TNS1: variants seen among roughly 807,000 people sequenced by gnomAD.
The protein encoded by TNS1 is tensin 1.
TNS1 carries 62 observed loss-of-function variants against 168.6 expected under a neutral mutation model. The ratio of observed to expected loss-of-function variants is 0.37; its 90% CI spans 0.30 to 0.45. The LOEUF (loss-of-function observed/expected upper bound fraction) is 0.45. Ranked by LOEUF, TNS1 falls within the 20% of genes least tolerant of loss-of-function variation. TNS1 has a pLI of 1.00. For missense variants in TNS1, 2,240 were observed against 2,339.4 expected, an observed-to-expected ratio of 0.96 and a Z score of 0.88; for synonymous variants, 934 against 933.2, an observed-to-expected ratio of 1.00 and a Z score of -0.02.
chr2:217,894,907 G>T (rs895798590), intron 9 of TNS1, 99 bp downstream of exon 9: 4 of 1,208,970 alleles, frequency 3.3e-6, no homozygotes, highest in Non-Finnish European at 4.8e-6. Context: ...CTGACAAACT[G>T]TCACAGCATT....
upstream of TNS1, among the ~76,000 whole-genome samples, chr2:218,013,231 G>A (rs1214467742): frequency 1.3e-5 from 2 of 151,930 alleles, no homozygotes; most frequent in Middle Eastern, 3.4e-3. Context: ...ACTCCAGCCT[G>A]GGTGACAGAG....
rs773844254 is a variant in TNS1 at position 217,804,028 on chromosome 2, A to G, written c.*431T>C. 1 of 156,292 alleles carries G rather than the reference A, an allele frequency of 6.4e-6. No homozygotes were observed. Among genetic ancestry groups the G allele is most frequent in the Non-Finnish European group, 1.4e-5 (1 of 70,580 alleles). The allele number at this position is 156,292 out of a possible 1,614,324, so 9.7% of individuals were successfully genotyped here. ...CTACCCCACAGGTGGCCAGAAAAAGATTCTCCCAGCTTGATTTCCCCTTGC... is the reference window on the plus strand; with the variant it reads ...CTACCCCACAGGTGGCCAGAAAAAGGTTCTCCCAGCTTGATTTCCCCTTGC... On this transcript the variant is annotated 3_prime_UTR_variant, in exon 33 of 33. Coordinates refer to ENST00000682258, the MANE Select transcript of TNS1 (RefSeq NM_001387777.1).
At chr2:217,863,328 G>T (rs73076327) in intron 18 of TNS1, among the ~76,000 whole-genome samples, 1 of 152,158 alleles carries the variant, frequency 6.6e-6, no homozygotes, top group Non-Finnish European at 1.5e-5. Context: ...CCCAGGGAAT[G>T]TGTGACAATA....
At chr2:217,900,391 G>T in intron 7 of TNS1, 72 bp downstream of exon 7, 1 of 1,502,542 alleles carries the variant, frequency 6.7e-7, no homozygotes, top group Non-Finnish European at 8.9e-7. Context: ...CCAGAGGCAA[G>T]ACTTAACAGG....
chr2:217,969,806 T>C (rs1334355234), intron 3 of TNS1, among the ~76,000 whole-genome samples: 1 of 151,870 alleles, frequency 6.6e-6, no homozygotes, highest in Non-Finnish European at 1.5e-5. Context: ...TGTGGAAAAA[T>C]TGGAAACTTC....
intron 23 of TNS1, among the ~76,000 whole-genome samples, chr2:217,819,113 T>C (rs983804041): frequency 1.3e-5 from 2 of 152,222 alleles, no homozygotes; most frequent in Admixed American, 1.3e-4. Flanking sequence ...GGCTGTCATG[T>C]TATAGCCTCC....
intron 22 of TNS1, among the ~76,000 whole-genome samples, chr2:217,829,654 C>T (rs1190871969): frequency 6.6e-6 from 1 of 152,178 alleles, no homozygotes; most frequent in Admixed American, 6.5e-5. Context: ...TACAAGCTCC[C>T]CCATCAGGAC....
rs1013498682 is a variant in TNS1, at chr2:217,995,499, G to C, written c.34-4443C>G. On this transcript the variant is annotated intron_variant, in intron 1 of 32. Coordinates refer to ENST00000682258, the MANE Select transcript of TNS1 (RefSeq NM_001387777.1). The surrounding 1 kb of genome is among the most constrained non-coding windows in gnomAD (Gnocchi z 4.1). The stretch of plus-strand genomic sequence containing the variant: ...AATATGGGCTAAGAAGAAAAGCGGG[G>C]TGCCTGGTACCTACCCAGCCCTCCC... Among the ~76,000 whole-genome samples, 1 of 152,156 alleles carries C rather than the reference G, an allele frequency of 6.6e-6. No homozygotes were observed. Among genetic ancestry groups the C allele is most frequent in the Non-Finnish European group, 1.5e-5 (1 of 68,024 alleles).
chr2:217,877,803 C>T (rs535165615), intron 18 of TNS1, among the ~76,000 whole-genome samples: 125 of 152,312 alleles, frequency 8.2e-4, no homozygotes, highest in Admixed American at 1.6e-3. Context: ...CCATGCCTCA[C>T]TGCCAGGAGA....
chr2:217,830,121 C>G, intron 22 of TNS1: 2 of 518,680 alleles, frequency 3.9e-6, no homozygotes, highest in Non-Finnish European at 2.5e-6. Flanking sequence ...GCAAAGGACC[C>G]CAAGGCTCCG....
chr2:217,979,034 T>G, intron 2 of TNS1: 12 of 421,118 alleles, frequency 2.8e-5, no homozygotes, highest in South Asian at 6.3e-5. Flanking sequence ...GGCAGGGGGC[T>G]CCCAGAGCCA....
At chr2:217,894,448 G>A (rs1212928540) in intron 9 of TNS1, among the ~76,000 whole-genome samples, 5 of 152,206 alleles carry the variant, frequency 3.3e-5, no homozygotes, top group African/African-American at 7.2e-5. Flanking sequence ...CTTGAGGCCA[G>A]GAGTTTGAAA....
intron 3 of TNS1, among the ~76,000 whole-genome samples, chr2:217,937,433 C>T (rs1956676852): frequency 6.6e-6 from 1 of 152,164 alleles, no homozygotes; most frequent in African/African-American, 2.4e-5. Flanking sequence ...TAGCCCGAAC[C>T]CCAGCTCATG....
intron 2 of TNS1, among the ~76,000 whole-genome samples, chr2:217,982,400 C>CTT (rs59697675): frequency 2.9e-5 from 4 of 136,062 alleles, no homozygotes; most frequent in Admixed American, 7.3e-5. Flanking sequence ...TTCTTCTTTT[C>CTT]TTTTTTTTTT....
intron 21 of TNS1, among the ~76,000 whole-genome samples, chr2:217,832,149 C>A (rs1944523073): frequency 6.6e-6 from 1 of 152,200 alleles, no homozygotes; most frequent in Non-Finnish European, 1.5e-5. Context: ...CCTTGAAAAG[C>A]CCAGGAGGAG....
intron 19 of TNS1, among the ~76,000 whole-genome samples, chr2:217,841,536 G>A (rs2571454): frequency 0.44 from 67,498 of 151,966 alleles, 16,250 homozygotes; most frequent in African/African-American, 0.65. Flanking sequence ...TATCAGACAG[G>A]AAGAGAGGGG....
rs550333530 is a variant in TNS1 at position 217,903,772 on chromosome 2, C to T, written c.321+2563G>A. The T allele has an allele frequency of 2.4e-5, 16 of 653,076 alleles. No homozygotes were observed. In the African/African-American group the frequency reaches 2.7e-4, roughly 11 times the overall value. 40.5% of individuals were successfully genotyped at this position (653,076 alleles called of 1,614,324 possible). On this transcript the variant is annotated intron_variant, in intron 6 of 32. Transcript: ENST00000682258. ...ACTCTTTTTGCCTTGGTCCTCATTGCAGGCAAGAGTGGATCACCACTCAGA... is the reference window on the plus strand; with the variant it reads ...ACTCTTTTTGCCTTGGTCCTCATTGTAGGCAAGAGTGGATCACCACTCAGA...
upstream of TNS1, among the ~76,000 whole-genome samples, chr2:218,012,211 T>C (rs1341691234): frequency 2.0e-5 from 3 of 152,162 alleles, no homozygotes; most frequent in Non-Finnish European, 4.4e-5. Context: ...GCATCGCAAG[T>C]AGAATGAAGT....
At chr2:217,982,104 A>T (rs555048253) in intron 2 of TNS1, among the ~76,000 whole-genome samples, 1 of 152,316 alleles carries the variant, frequency 6.6e-6, no homozygotes, top group South Asian at 2.1e-4. Flanking sequence ...CTCTGGGGGA[A>T]GCCAGTGACC....
Sources: gnomAD v4.1 joint callset for allele counts (sites outside exome capture counted in the v4.1 genomes callset) on GRCh38, gnomAD v4.1.1 for gene constraint, Gnocchi (gnomAD v3.1) non-coding constraint, MANE v1.5 for transcripts, NCBI Gene and HGNC (gene_info 2026-07-23, HGNC 2026-07-21) for gene names.